Variants in EFNA5 observed in about 807,000 individuals in gnomAD.
EFNA5 encodes ephrin A5.
In EFNA5, 5 loss-of-function variants were observed where a neutral mutation model predicts 22.9. The ratio of observed to expected loss-of-function variants is 0.22; its 90% CI spans 0.11 to 0.46. EFNA5 has a LOEUF of 0.46. Among genes scored for constraint, EFNA5 ranks in the 20% least tolerant of loss-of-function variants. The pLI, the probability that EFNA5 is intolerant of heterozygous loss-of-function variation, is 0.99. For missense variants in EFNA5, 237 were observed against 293.3 expected, an observed-to-expected ratio of 0.81 and a Z score of 1.40; for synonymous variants, 113 against 112.2, an observed-to-expected ratio of 1.01 and a Z score of -0.04.
intron 1 of EFNA5, among the ~76,000 whole-genome samples, chr5:107,544,478 T>C (rs889822492): frequency 6.6e-6 from 1 of 152,068 alleles, no homozygotes; most frequent in African/African-American, 2.4e-5. Flanking sequence ...AGGAGCAAGG[T>C]TGTTCTTGAA....
chr5:107,404,262 C>A (rs1013816576), intron 2 of EFNA5, among the ~76,000 whole-genome samples: 3 of 152,194 alleles, frequency 2.0e-5, no homozygotes, highest in Non-Finnish European at 4.4e-5. Flanking sequence ...AGAATGGTTA[C>A]ACATGATCGT....
rs1747446449 is a variant in EFNA5 at position 107,381,204 on chromosome 5, G to C, written c.*51C>G. On this transcript the variant is annotated 3_prime_UTR_variant, in exon 5 of 5. Coordinates refer to ENST00000333274, the MANE Select transcript of EFNA5 (RefSeq NM_001962.3). ...GGATGAGCAGTTAGGTGGATCTCTGGTGTTCCAAGACCCTGATGTTTTCTG... is the reference window on the plus strand; with the variant it reads ...GGATGAGCAGTTAGGTGGATCTCTGCTGTTCCAAGACCCTGATGTTTTCTG... 6.4e-7 allele frequency: 1 copy of C among 1,566,736 alleles called. No homozygotes were observed. Among genetic ancestry groups the C allele is most frequent in the Non-Finnish European group, 8.7e-7 (1 of 1,145,898 alleles).
intron 1 of EFNA5, among the ~76,000 whole-genome samples, chr5:107,432,648 T>C (rs1748992983): frequency 6.6e-6 from 1 of 152,178 alleles, no homozygotes; most frequent in Admixed American, 6.5e-5. Context: ...AGTCAAACAA[T>C]TACGGCCCTG....
chr5:107,521,001 A>G (rs2112443020), intron 1 of EFNA5, among the ~76,000 whole-genome samples: 1 of 152,304 alleles, frequency 6.6e-6, no homozygotes, highest in African/African-American at 2.4e-5. Flanking sequence ...TAAATGTAAT[A>G]TGATTTGAAA....
intron 1 of EFNA5, among the ~76,000 whole-genome samples, chr5:107,633,031 T>G (rs1750291522): frequency 6.6e-6 from 1 of 152,220 alleles, no homozygotes; most frequent in African/African-American, 2.4e-5. Context: ...TTTTTTTATT[T>G]CTTGCTTTCC....
intron 1 of EFNA5, among the ~76,000 whole-genome samples, chr5:107,448,228 C>G (rs1420570361): frequency 2.0e-5 from 3 of 152,226 alleles, no homozygotes; most frequent in African/African-American, 7.2e-5. Context: ...ATTAAGGAGT[C>G]TACTGCATTA....
At chr5:107,463,057 G>A (rs1487047366) in intron 1 of EFNA5, among the ~76,000 whole-genome samples, 2 of 152,096 alleles carry the variant, frequency 1.3e-5, no homozygotes, top group Non-Finnish European at 2.9e-5. Flanking sequence ...TGAAGCGGGG[G>A]ATGGAGTAGC....
At chr5:107,476,924 A>T (rs1039180894) in intron 1 of EFNA5, among the ~76,000 whole-genome samples, 45 of 152,326 alleles carry the variant, frequency 3.0e-4, no homozygotes, top group Middle Eastern at 3.4e-3. Flanking sequence ...AAAACAAAAA[A>T]GCCAGACATA....
intron 1 of EFNA5, among the ~76,000 whole-genome samples, chr5:107,482,866 CTCTCTATATATATATATA>C (rs1750521334): frequency 1.4e-4 from 6 of 43,312 alleles, no homozygotes; most frequent in East Asian, 1.8e-3. Context: ...CTCTCTCTCT[CTCTCTATATATATATATA>C]TATATATATA....
At chr5:107,524,671 A>G (rs1747659339) in intron 1 of EFNA5, among the ~76,000 whole-genome samples, 1 of 152,186 alleles carries the variant, frequency 6.6e-6, no homozygotes. Flanking sequence ...CACATTAGGT[A>G]AAGTCAAACT....
chr5:107,566,704 T>G (rs1748673366), intron 1 of EFNA5, among the ~76,000 whole-genome samples: 1 of 152,190 alleles, frequency 6.6e-6, no homozygotes, highest in African/African-American at 2.4e-5. Context: ...TCAGTCAACT[T>G]TTATCAACCA....
chr5:107,617,471 G>GT (rs1252766285), intron 1 of EFNA5, among the ~76,000 whole-genome samples: 1 of 152,128 alleles, frequency 6.6e-6, no homozygotes, highest in Non-Finnish European at 1.5e-5. Flanking sequence ...AGAGAAGCAG[G>GT]TAAAGAGTCA....
chr5:107,663,989 A>C (rs909370514), intron 1 of EFNA5, among the ~76,000 whole-genome samples: 1 of 152,128 alleles, frequency 6.6e-6, no homozygotes, highest in Non-Finnish European at 1.5e-5. Context: ...AGCTGAGCTA[A>C]CCATCACTGT....
intron 1 of EFNA5, among the ~76,000 whole-genome samples, chr5:107,572,845 G>A (rs569123347): frequency 5.3e-5 from 8 of 152,200 alleles, no homozygotes; most frequent in Admixed American, 2.0e-4. Context: ...GCATGCTGAT[G>A]TTTTGTAAGA....
chr5:107,430,623 A>G (rs952495499), intron 1 of EFNA5, among the ~76,000 whole-genome samples: 1 of 152,084 alleles, frequency 6.6e-6, no homozygotes, highest in Non-Finnish European at 1.5e-5. Flanking sequence ...AATTTTTACT[A>G]AAGCAAACTG....
intron 1 of EFNA5, among the ~76,000 whole-genome samples, chr5:107,457,906 A>G (rs1404901283): frequency 6.6e-6 from 1 of 152,202 alleles, no homozygotes; most frequent in African/African-American, 2.4e-5. Context: ...TCCTTAAAAC[A>G]ACTCTAAGAA....
chr5:107,533,356 A>G (rs556932050), intron 1 of EFNA5, among the ~76,000 whole-genome samples: 2 of 152,294 alleles, frequency 1.3e-5, no homozygotes, highest in South Asian at 2.1e-4. Flanking sequence ...TGCTTCACCT[A>G]TAGAGAAGTC....
At chr5:107,497,637 C>A (rs1747021548) in intron 1 of EFNA5, among the ~76,000 whole-genome samples, 1 of 152,102 alleles carries the variant, frequency 6.6e-6, no homozygotes. Flanking sequence ...TCAGTTTGTT[C>A]CACTTAAATC....
At chr5:107,510,815 ACT>A (rs1747352440) in intron 1 of EFNA5, among the ~76,000 whole-genome samples, 1 of 152,178 alleles carries the variant, frequency 6.6e-6, no homozygotes, top group Admixed American at 6.5e-5. Flanking sequence ...AAAGCTACAC[ACT>A]GAGACTAGGA....
Sources: allele counts gnomAD v4.1 joint callset (sites outside exome capture counted in the v4.1 genomes callset), GRCh38; gene constraint gnomAD v4.1.1; transcripts MANE v1.5; gene names NCBI Gene and HGNC (gene_info 2026-07-23, HGNC 2026-07-21).